The following CTNNA1 variants were observed in gnomAD, a reference collection of about 807,000 sequenced individuals.
CTNNA1 encodes catenin alpha 1, also known as catenin alpha-1.
In CTNNA1, 37 loss-of-function variants were observed where a neutral mutation model predicts 98.4. The ratio of observed to expected loss-of-function variants is 0.38; its 90% CI spans 0.29 to 0.49. CTNNA1 has a LOEUF of 0.49. Ranked by LOEUF, CTNNA1 falls within the 20% of genes least tolerant of loss-of-function variation. The pLI is 0.95. For missense variants in CTNNA1, 761 were observed against 1,147.2 expected (o/e 0.66, Z 4.86); for synonymous variants, 404 against 413.2 (o/e 0.98, Z 0.27).
intron 7 of CTNNA1, among the ~76,000 whole-genome samples, chr5:138,877,693 C>T (rs1187829668): frequency 7.2e-5 from 11 of 151,986 alleles, no homozygotes; most frequent in African/African-American, 2.4e-4. Context: ...ATGATCCACC[C>T]GCCTCGGCCT....
intron 9 of CTNNA1, 161 bp downstream of exon 9, chr5:138,887,803 A>G (rs1320731687): frequency 1.7e-6 from 1 of 600,318 alleles, no homozygotes; most frequent in Non-Finnish European, 2.8e-6. Context: ...AAGGAAAACT[A>G]CCATTTTGGT....
At chr5:138,782,105 G>A (rs933213502) in intron 2 of CTNNA1, 76 bp downstream of exon 2, 2 of 1,389,020 alleles carry the variant, frequency 1.4e-6, no homozygotes, top group African/African-American at 1.5e-5. Context: ...TAAGAGCAAG[G>A]TTATTTAGTT....
intron 3 of CTNNA1, among the ~76,000 whole-genome samples, chr5:138,787,180 C>G (rs548856185): frequency 6.6e-6 from 1 of 152,330 alleles, no homozygotes; most frequent in African/African-American, 2.4e-5. Flanking sequence ...CCTGTAATCC[C>G]AGCACTTTGG....
At chr5:138,851,263 A>AT (rs1763158592) in intron 7 of CTNNA1, among the ~76,000 whole-genome samples, 1 of 152,178 alleles carries the variant, frequency 6.6e-6, no homozygotes, top group Non-Finnish European at 1.5e-5. Flanking sequence ...CCTGATGGGC[A>AT]TTCTTGTGCC....
chr5:138,776,942 C>G (rs1351680359), intron 1 of CTNNA1, among the ~76,000 whole-genome samples: 2 of 133,366 alleles, frequency 1.5e-5, no homozygotes, highest in African/African-American at 3.0e-5. Context: ...GCTGGCCGGG[C>G]GGGGGGCTGA....
intron 7 of CTNNA1, among the ~76,000 whole-genome samples, chr5:138,877,495 C>T (rs1438487842): frequency 6.7e-6 from 1 of 149,270 alleles, no homozygotes; most frequent in African/African-American, 2.5e-5. Flanking sequence ...GGCCGGACTG[C>T]GGACTGCAGT....
At chr5:138,930,171 T>C (rs111890205) in intron 14 of CTNNA1, among the ~76,000 whole-genome samples, 8 of 152,322 alleles carry the variant, frequency 5.3e-5, no homozygotes, top group African/African-American at 1.9e-4. Context: ...TCTTGTCTTA[T>C]ATTAATAAGA....
chr5:138,782,021 G>T lies in CTNNA1; in HGVS notation c.97G>T (p.Val33Phe). ...LAVERLLEPL[V>F]TQVTTLVNTN... ...AGTTGAGAGACTGTTGGAGCCTCTT[G>T]TTACACAGGTAAGAATCTGAAAACA... The change falls in exon 2 of 18, where the codon GTT becomes TTT. Residue 33 changes from valine (V) to phenylalanine (F), a missense_variant. Coordinates refer to ENST00000302763, the MANE Select transcript of CTNNA1 (RefSeq NM_001903.5). 1 of 1,608,382 alleles carries T rather than the reference G, an allele frequency of 6.2e-7. No individual in the cohort carries two copies. Among genetic ancestry groups the T allele is most frequent in the Non-Finnish European group, 8.5e-7 (1 of 1,178,810 alleles).
In CTNNA1 at chr5:138,812,273, C is replaced by G. The variant is rs1758900525; in HGVS notation, c.559C>G (p.Leu187Val). 6.2e-7 allele frequency: 1 copy of G among 1,613,738 alleles called. No homozygotes were observed. Among genetic ancestry groups the G allele is most frequent in the East Asian group, 2.2e-5 (1 of 44,852 alleles). Reference protein sequence around the residue: ...YKALKPEVDKLNIMAAKRQQE... With the variant: ...YKALKPEVDKVNIMAAKRQQE... ...AGCCCTAAAACCTGAAGTGGATAAG[C>G]TGAACATTATGGCAGCCAAAAGACA... The change falls in exon 5 of 18, where the codon CTG (leucine) becomes GTG (valine). Residue 187 changes from leucine to valine, a missense_variant. Around this residue, in one of 6 missense-constraint regions of CTNNA1, gnomAD observed 328 missense variants for 354.3 expected, o/e 0.93. Transcript: ENST00000302763.
intron 13 of CTNNA1, among the ~76,000 whole-genome samples, chr5:138,925,991 C>G (rs1484742862): frequency 1.3e-5 from 2 of 152,220 alleles, no homozygotes; most frequent in Non-Finnish European, 2.9e-5. Context: ...CCGTCCTGCT[C>G]TCTGACAACT....
chr5:138,760,745 T>C (rs1752264164), intron 1 of CTNNA1, among the ~76,000 whole-genome samples: 1 of 152,208 alleles, frequency 6.6e-6, no homozygotes, highest in Admixed American at 6.5e-5. Flanking sequence ...TTTTTCCAAA[T>C]TCCTCTCCAG....
chr5:138,906,397 C>T lies in CTNNA1; in HGVS notation c.1389+1956C>T, dbSNP rs148181281. On this transcript the variant is annotated intron_variant, in intron 10 of 17. Transcript: ENST00000302763. ...TTTCTTCAAGTTTGTTTGCCATTTA[C>T]CCTATCAGCACTTTGTTTTTAATGT... 9.9e-5 allele frequency among the ~76,000 whole-genome samples: 15 copies of T among 152,246 alleles called. No homozygotes were observed. The East Asian group carries it at 2.5e-3, about 25-fold the overall frequency.
chr5:138,770,834 C>G (rs888243631), intron 1 of CTNNA1, among the ~76,000 whole-genome samples: 14 of 151,976 alleles, frequency 9.2e-5, no homozygotes, highest in Non-Finnish European at 1.9e-4. Context: ...CGCCTGTAGT[C>G]CCAGCTACTT....
chr5:138,925,192 G>C, intron 12 of CTNNA1, 64 bp from the exon 13 acceptor site: 1 of 1,566,156 alleles, frequency 6.4e-7, no homozygotes, highest in Non-Finnish European at 8.7e-7. Context: ...GAGTGATTCA[G>C]GGAGGGCCAG....
At chr5:138,766,974 A>G (rs73267553) in intron 1 of CTNNA1, among the ~76,000 whole-genome samples, 1,850 of 152,190 alleles carry the variant, frequency 0.012, 41 homozygotes, top group African/African-American at 0.037. Flanking sequence ...GTGGGTCCAA[A>G]TATTTTTAAG....
chr5:138,892,215 T>C (rs576516312), intron 9 of CTNNA1, among the ~76,000 whole-genome samples: 9 of 151,860 alleles, frequency 5.9e-5, no homozygotes, highest in Middle Eastern at 6.8e-3. Flanking sequence ...GTAAATTTTC[T>C]AAATTGACTG....
At chr5:138,855,485 GGGTTAAACT>G (rs1461934363) in intron 7 of CTNNA1, among the ~76,000 whole-genome samples, 1 of 152,174 alleles carries the variant, frequency 6.6e-6, no homozygotes, top group African/African-American at 2.4e-5. Context: ...AGTTCATACT[GGGTTAAACT>G]GGTTTTTGTT....
chr5:138,874,883 A>G lies in CTNNA1; in HGVS notation c.1063-11329A>G, dbSNP rs146731798. ...AAGCGTGATTCCTTGTTGAATGTAC[A>G]AGACATATAAATGCACAGACTTACC... On this transcript the variant is annotated intron_variant, in intron 7 of 17. Transcript: ENST00000302763. This position sits in a 1 kb window ranked among gnomAD's most constrained non-coding sequence, Gnocchi z 4.1. The G allele has an allele frequency of 1.0e-3, 1,656 of 1,606,384 alleles. 14 individuals are homozygous for G. The African/African-American group carries it at 0.015, about 14-fold the overall frequency.
chr5:138,870,018 A>G (rs1455540176), intron 7 of CTNNA1: 3 of 152,552 alleles, frequency 2.0e-5, no homozygotes, highest in Non-Finnish European at 4.4e-5. Flanking sequence ...GTATGGTATC[A>G]TAGTCTTCTT....
Sources: gnomAD v4.1 joint callset for allele counts (sites outside exome capture counted in the v4.1 genomes callset) on GRCh38, gnomAD v4.1.1 for gene constraint, gnomAD v4.1.1 regional missense constraint, Gnocchi (gnomAD v3.1) non-coding constraint, MANE v1.5 for transcripts, NCBI Gene and HGNC (gene_info 2026-07-23, HGNC 2026-07-21) for gene names.